Variants in TMCC1 observed in about 807,000 individuals in gnomAD.
TMCC1 encodes the protein transmembrane and coiled-coil domains protein 1.
TMCC1 carries 15 observed loss-of-function variants against 52.4 expected under a neutral mutation model. That is an observed-to-expected ratio of 0.29 (90% CI 0.19 to 0.44). The LOEUF (loss-of-function observed/expected upper bound fraction) is 0.44, where lower values mean the gene tolerates loss of function less well. TMCC1 is among the 20% of genes least tolerant of loss of function. The pLI, the probability that TMCC1 is intolerant of heterozygous loss-of-function variation, is 1.00. For synonymous variants in TMCC1, 279 were observed against 301.9 expected (o/e 0.92, Z 0.79); for missense variants, 503 against 806.0 (o/e 0.62, Z 4.55).
intron 4 of TMCC1, among the ~76,000 whole-genome samples, chr3:129,679,574 G>A (rs755513717): frequency 6.6e-6 from 1 of 152,128 alleles, no homozygotes; most frequent in African/African-American, 2.4e-5. Context: ...AAAGTGCTGG[G>A]ATTACAGGTA....
At chr3:129,668,684 G>A (rs2087667629) in intron 5 of TMCC1, among the ~76,000 whole-genome samples, 1 of 152,196 alleles carries the variant, frequency 6.6e-6, no homozygotes, top group African/African-American at 2.4e-5. Context: ...GGAGTGTGAT[G>A]GCACGATCTC....
At chr3:129,720,182 A>C (rs942798306) in intron 4 of TMCC1, among the ~76,000 whole-genome samples, 1 of 110,278 alleles carries the variant, frequency 9.1e-6, no homozygotes, top group Non-Finnish European at 1.9e-5. Flanking sequence ...ACCCTGTCTC[A>C]AAAAAAAAAA....
At chr3:129,875,263 T>G (rs563686378) in intron 2 of TMCC1, among the ~76,000 whole-genome samples, 3 of 150,540 alleles carry the variant, frequency 2.0e-5, no homozygotes, top group African/African-American at 4.9e-5. Context: ...CTGAGGCAGG[T>G]GATCACCTAA....
intron 2 of TMCC1, among the ~76,000 whole-genome samples, chr3:129,855,167 G>T (rs1403569687): frequency 1.3e-5 from 2 of 152,136 alleles, no homozygotes; most frequent in Non-Finnish European, 2.9e-5. Flanking sequence ...CCTTCTTCTG[G>T]TGGCTTCCTA....
intron 4 of TMCC1, among the ~76,000 whole-genome samples, chr3:129,811,173 T>C (rs1306476020): frequency 6.6e-6 from 1 of 152,252 alleles, no homozygotes; most frequent in African/African-American, 2.4e-5. Flanking sequence ...GTTACTCTGA[T>C]GCACTACTCC....
chr3:129,657,198 C>A (rs1033523019), intron 5 of TMCC1, among the ~76,000 whole-genome samples: 4 of 152,184 alleles, frequency 2.6e-5, no homozygotes, highest in African/African-American at 9.7e-5. Flanking sequence ...TAAAAGCAGA[C>A]ACATGTGGGA....
At chr3:129,698,453 A>T (rs1421847852) in intron 4 of TMCC1, among the ~76,000 whole-genome samples, 1 of 152,192 alleles carries the variant, frequency 6.6e-6, no homozygotes, top group Non-Finnish European at 1.5e-5. Flanking sequence ...ACATAGCCAA[A>T]CCATATCACA....
chr3:129,814,641 G>A (rs1271033597), intron 4 of TMCC1, among the ~76,000 whole-genome samples: 1 of 152,066 alleles, frequency 6.6e-6, no homozygotes, highest in Non-Finnish European at 1.5e-5. Flanking sequence ...CCAACTATAT[G>A]CTGCCTACAA....
At chr3:129,833,547 G>A (rs2059019697) in intron 2 of TMCC1, among the ~76,000 whole-genome samples, 1 of 152,002 alleles carries the variant, frequency 6.6e-6, no homozygotes, top group Non-Finnish European at 1.5e-5. Flanking sequence ...TCTAGCCTGG[G>A]AGCAAAAGCG....
chr3:129,847,979 A>G (rs2059742547), intron 2 of TMCC1: 2 of 152,156 alleles, frequency 1.3e-5, no homozygotes, highest in African/African-American at 2.4e-5. Context: ...GATGAACTTT[A>G]TTCAAATTGT....
At chr3:129,768,289 G>A (rs532827046) in intron 4 of TMCC1, among the ~76,000 whole-genome samples, 5 of 152,288 alleles carry the variant, frequency 3.3e-5, no homozygotes, top group African/African-American at 7.2e-5. Context: ...AATCGAGTAT[G>A]AAGATGTTTC....
intron 2 of TMCC1, among the ~76,000 whole-genome samples, chr3:129,866,274 T>TATATATAC (rs1417318645): frequency 7.2e-6 from 1 of 139,854 alleles, no homozygotes; most frequent in Non-Finnish European, 1.6e-5. Context: ...ACATATATAA[T>TATATATAC]ATATATACAT....
At chr3:129,791,218 T>C (rs964036885) in intron 4 of TMCC1, among the ~76,000 whole-genome samples, 7 of 151,604 alleles carry the variant, frequency 4.6e-5, no homozygotes, top group Admixed American at 6.6e-5. Flanking sequence ...CTCAGCCTCC[T>C]GAGTAGGTGG....
intron 4 of TMCC1, among the ~76,000 whole-genome samples, chr3:129,760,431 TG>T (rs1576724210): frequency 1.3e-5 from 2 of 148,578 alleles, no homozygotes; most frequent in East Asian, 4.2e-4. Flanking sequence ...TGTGTGTGTG[TG>T]TGTTTTTGAG....
At chr3:129,684,174 T>C (rs906883612) in intron 4 of TMCC1, among the ~76,000 whole-genome samples, 7 of 152,232 alleles carry the variant, frequency 4.6e-5, no homozygotes, top group Non-Finnish European at 7.3e-5. Context: ...GGTTTTTAAA[T>C]AGAGGTATCT....
chr3:129,692,140 G>GT (rs1235318473), intron 4 of TMCC1, among the ~76,000 whole-genome samples: 1 of 152,052 alleles, frequency 6.6e-6, no homozygotes, highest in African/African-American at 2.4e-5. Flanking sequence ...CTTGGGGTTT[G>GT]TTTTTTCATG....
chr3:129,689,935 A>C (rs1456098575), intron 4 of TMCC1, among the ~76,000 whole-genome samples: 1 of 152,024 alleles, frequency 6.6e-6, no homozygotes, highest in East Asian at 1.9e-4. Flanking sequence ...AACAACAAAA[A>C]CCCTAATCCT....
At chr3:129,733,405 T>C (rs1443207530) in intron 4 of TMCC1, among the ~76,000 whole-genome samples, 3 of 152,204 alleles carry the variant, frequency 2.0e-5, no homozygotes, top group African/African-American at 7.2e-5. Flanking sequence ...AAGAAACAGA[T>C]TCAATAGTTT....
At chr3:129,669,585 C>T (rs1313636279) in intron 5 of TMCC1, among the ~76,000 whole-genome samples, 1 of 152,094 alleles carries the variant, frequency 6.6e-6, no homozygotes, top group African/African-American at 2.4e-5. Flanking sequence ...CAGGCATGCA[C>T]CACCACACCC....
Sources: gnomAD v4.1 joint callset for allele counts (sites outside exome capture counted in the v4.1 genomes callset) on GRCh38, gnomAD v4.1.1 for gene constraint, MANE v1.5 for transcripts, NCBI Gene and HGNC (gene_info 2026-07-23, HGNC 2026-07-21) for gene names.